The following CDH23 variants were observed in gnomAD, a reference collection of about 807,000 sequenced individuals.
The protein encoded by CDH23 is cadherin-23.
In CDH23, 189 loss-of-function variants were observed where a neutral mutation model predicts 317.1. The ratio of observed to expected loss-of-function variants is 0.60; its 90% confidence interval spans 0.53 to 0.67. CDH23 has a LOEUF of 0.67. CDH23 is among the 30% of genes least tolerant of loss of function. CDH23 has a pLI of 0.00. For missense variants in CDH23, 4,401 were observed against 4,592.4 expected, an observed-to-expected ratio of 0.96 and a Z score of 1.20; for synonymous variants, 1,839 against 1,876.8, an observed-to-expected ratio of 0.98 and a Z score of 0.52.
intron 38 of CDH23, among the ~76,000 whole-genome samples, chr10:71,769,597 G>C (rs894462615): frequency 6.6e-6 from 1 of 152,192 alleles, no homozygotes; most frequent in African/African-American, 2.4e-5. Context: ...TTCAGAGGAG[G>C]GTGGTCAGCC....
intron 3 of CDH23, among the ~76,000 whole-genome samples, chr10:71,461,448 G>C (rs751418827): frequency 3.3e-5 from 5 of 152,250 alleles, no homozygotes; most frequent in Non-Finnish European, 5.9e-5. Flanking sequence ...CTCCGGAAGA[G>C]GTGTCTGGAG....
In CDH23 at chr10:71,805,803, C is replaced by G; in HGVS notation, c.7873-3C>G. On this transcript the variant is annotated splice_polypyrimidine_tract_variant and splice_region_variant and intron_variant, in intron 55 of 69. Transcript: ENST00000224721. Reference sequence around the variant, plus strand: ...GGAGCCTTCCTCCCCATGCTCCCCACAGGAGATCCCGCTGCGCTCCAACGT... The same window carrying G: ...GGAGCCTTCCTCCCCATGCTCCCCAGAGGAGATCCCGCTGCGCTCCAACGT... 2.5e-6 allele frequency: 4 copies of G among 1,611,484 alleles called. No homozygotes were observed. Among genetic ancestry groups the G allele is most frequent in the Non-Finnish European group, 3.4e-6 (4 of 1,178,746 alleles).
intron 37 of CDH23, 150 bp downstream of exon 37, chr10:71,741,100 C>G: frequency 1.2e-6 from 1 of 846,506 alleles, no homozygotes; most frequent in Non-Finnish European, 1.9e-6. Context: ...AGTGATAGCC[C>G]TAACGCCTAG....
chr10:71,550,579 A>AG (rs34710216), intron 6 of CDH23, among the ~76,000 whole-genome samples: 40,443 of 118,136 alleles, frequency 0.34, 7,705 homozygotes, highest in East Asian at 0.55. Context: ...AAAAAAAAAG[A>AG]AAAAAGAAAA....
At chr10:71,550,537 G>A (rs1178697752) in intron 6 of CDH23, among the ~76,000 whole-genome samples, 1 of 121,818 alleles carries the variant, frequency 8.2e-6, no homozygotes, top group Admixed American at 9.7e-5. Flanking sequence ...TTTACCCTGG[G>A]CAACAGAGTG....
chr10:71,421,274 C>G (rs1848803482), intron 1 of CDH23, among the ~76,000 whole-genome samples: 1 of 152,198 alleles, frequency 6.6e-6, no homozygotes, highest in Non-Finnish European at 1.5e-5. Flanking sequence ...CCCTGCCCAG[C>G]CCTCTGCCTT....
At chr10:71,507,981 G>C (rs79081699) in intron 3 of CDH23, among the ~76,000 whole-genome samples, 325 of 152,260 alleles carry the variant, frequency 2.1e-3, no homozygotes, top group African/African-American at 7.6e-3. Context: ...GGGAGGGTTG[G>C]GCTCTGAAGA....
intron 6 of CDH23, among the ~76,000 whole-genome samples, chr10:71,541,528 G>A (rs1179981263): frequency 6.6e-6 from 1 of 152,246 alleles, no homozygotes; most frequent in African/African-American, 2.4e-5. Context: ...GGAGCACTGT[G>A]GAGAGTGTGC....
At chr10:71,629,301 G>A (rs1414919723) in intron 11 of CDH23, among the ~76,000 whole-genome samples, 3 of 152,230 alleles carry the variant, frequency 2.0e-5, no homozygotes, top group Non-Finnish European at 4.4e-5. Context: ...GGGGATTAAG[G>A]GAATCCTGGG....
chr10:71,564,495 T>A (rs1857291211), intron 6 of CDH23, among the ~76,000 whole-genome samples: 1 of 152,262 alleles, frequency 6.6e-6, no homozygotes, highest in Non-Finnish European at 1.5e-5. Context: ...AGGTCAGACG[T>A]GGAGACCATC....
chr10:71,743,067 G>C (rs1208792969), intron 38 of CDH23, among the ~76,000 whole-genome samples: 1 of 152,202 alleles, frequency 6.6e-6, no homozygotes, highest in East Asian at 1.9e-4. Context: ...GGCGTGCAAG[G>C]CCTCTTGAGT....
At chr10:71,440,014 C>A in intron 2 of CDH23, 116 bp downstream of exon 2, 1 of 810,844 alleles carries the variant, frequency 1.2e-6, no homozygotes, top group South Asian at 1.5e-5. Context: ...GAGACACTGT[C>A]TTACTGTGTG....
At chr10:71,753,999 G>C (rs559410912) in intron 38 of CDH23, among the ~76,000 whole-genome samples, 2 of 152,332 alleles carry the variant, frequency 1.3e-5, no homozygotes, top group East Asian at 3.9e-4. Context: ...AAGCAGGATG[G>C]AAATCCACAC....
chr10:71,461,053 G>A (rs1234540111), intron 3 of CDH23, among the ~76,000 whole-genome samples: 1 of 152,248 alleles, frequency 6.6e-6, no homozygotes, highest in Non-Finnish European at 1.5e-5. Context: ...TGAGGCCAGG[G>A]AAGCAAAGCC....
intron 1 of CDH23, among the ~76,000 whole-genome samples, chr10:71,432,437 T>TTGAGAGTGTGTGTG (rs1849432967): frequency 7.0e-6 from 1 of 142,334 alleles, no homozygotes; most frequent in Non-Finnish European, 1.5e-5. Context: ...GAGTGTGTGT[T>TTGAGAGTGTGTGTG]TGAGAGCGTG....
intron 38 of CDH23, among the ~76,000 whole-genome samples, chr10:71,773,741 C>T (rs1269092628): frequency 6.6e-6 from 1 of 152,202 alleles, no homozygotes; most frequent in Non-Finnish European, 1.5e-5. Context: ...TACCGTCCCC[C>T]AGTCCTTTTG....
intron 6 of CDH23, among the ~76,000 whole-genome samples, chr10:71,539,502 C>T (rs755876962): frequency 4.1e-4 from 62 of 151,926 alleles, no homozygotes; most frequent in Non-Finnish European, 8.2e-4. Context: ...GTTTGTTAGA[C>T]GCATGTCAAG....
rs534862876 is a variant in CDH23, at chr10:71,511,660, G to A, written c.429+448G>A. 3.4e-5 allele frequency: 9 copies of A among 268,550 alleles called. No homozygotes were observed. In the East Asian group the frequency reaches 3.4e-4, roughly 10 times the overall value. 16.6% of individuals were successfully genotyped at this position (268,550 alleles called of 1,614,324 possible). A position where few individuals can be genotyped will look rare whatever the true frequency, so the allele number is the denominator to read the frequency against. ...AGGAAGGGGCTTTCCCTAGCCCCGC[G>A]CTCTCCACCATGGTCTCCCAGGCCC... On this transcript the variant is annotated intron_variant, in intron 6 of 69. Coordinates refer to ENST00000224721, the MANE Select transcript of CDH23 (RefSeq NM_022124.6).
intron 9 of CDH23, among the ~76,000 whole-genome samples, chr10:71,594,072 C>T (rs151001211): frequency 4.1e-4 from 62 of 151,956 alleles, no homozygotes; most frequent in East Asian, 2.9e-3. Context: ...ACAGCCTGGG[C>T]GATAGAGTGA....
Sources: gnomAD v4.1 joint callset for allele counts (sites outside exome capture counted in the v4.1 genomes callset) on GRCh38, gnomAD v4.1.1 for gene constraint, MANE v1.5 for transcripts, NCBI Gene and HGNC (gene_info 2026-07-23, HGNC 2026-07-21) for gene names.